The following ABCA12 variants were observed in gnomAD, a reference collection of about 807,000 sequenced individuals.
ABCA12 encodes glucosylceramide transporter ABCA12.
In ABCA12, 156 loss-of-function variants were observed where a neutral mutation model predicts 293.5. The ratio of observed to expected loss-of-function variants is 0.53; its 90% CI spans 0.47 to 0.61. ABCA12 has a LOEUF of 0.61. ABCA12 is among the 20% of genes least tolerant of loss of function. The pLI, the probability that ABCA12 is intolerant of heterozygous loss-of-function variation, is 0.00. For synonymous variants in ABCA12, 1,063 were observed against 1,108.0 expected, an observed-to-expected ratio of 0.96 and a Z score of 0.81; for missense variants, 2,797 against 3,090.2, an observed-to-expected ratio of 0.91 and a Z score of 2.25.
chr2:214,990,410 A>G (rs1699886267), intron 24 of ABCA12, among the ~76,000 whole-genome samples: 1 of 152,214 alleles, frequency 6.6e-6, no homozygotes, highest in Non-Finnish European at 1.5e-5. Flanking sequence ...TGGTCCAGAG[A>G]GAAGTCAGAA....
chr2:215,013,909 G>A (rs373099389), intron 15 of ABCA12, among the ~76,000 whole-genome samples: 5 of 152,174 alleles, frequency 3.3e-5, no homozygotes, highest in Non-Finnish European at 5.9e-5. Flanking sequence ...GGCGAAGCAC[G>A]ATGGCTCACT....
intron 50 of ABCA12, among the ~76,000 whole-genome samples, chr2:214,938,598 C>T (rs1218890507): frequency 6.6e-6 from 1 of 152,150 alleles, no homozygotes; most frequent in Non-Finnish European, 1.5e-5. Context: ...AAAAGTGTTC[C>T]TATTTCTCCA....
chr2:215,045,750 C>G (rs1701188954), intron 7 of ABCA12, 87 bp downstream of exon 7: 2 of 1,220,478 alleles, frequency 1.6e-6, no homozygotes, highest in Admixed American at 3.9e-5. Flanking sequence ...TTAAATAACC[C>G]AGATAACAGT....
intron 1 of ABCA12, among the ~76,000 whole-genome samples, chr2:215,118,611 T>C (rs537378593): frequency 6.6e-6 from 1 of 152,262 alleles, no homozygotes; most frequent in South Asian, 2.1e-4. Flanking sequence ...ACAGTAATCA[T>C]TTATTTAAGA....
chr2:215,132,142 C>T (rs1575064321), intron 1 of ABCA12, among the ~76,000 whole-genome samples: 1 of 152,060 alleles, frequency 6.6e-6, no homozygotes. Flanking sequence ...ATTGAGACTT[C>T]CCTTTTGGAC....
chr2:215,099,691 C>CA (rs66500510), intron 2 of ABCA12, among the ~76,000 whole-genome samples: 1,681 of 117,816 alleles, frequency 0.014, 11 homozygotes, highest in Middle Eastern at 0.034. Flanking sequence ...GACTTCATCT[C>CA]AAAAAAAAAA....
intron 38 of ABCA12, 69 bp from the exon 39 acceptor site, chr2:214,967,022 C>A (rs929213116): frequency 1.7e-6 from 2 of 1,157,822 alleles, no homozygotes; most frequent in African/African-American, 3.1e-5. Context: ...TAACATCTGA[C>A]AGCTATCTTA....
At chr2:215,075,824 C>T in intron 2 of ABCA12, 1 of 452,674 alleles carries the variant, frequency 2.2e-6, no homozygotes. Context: ...ATTTTGTGTG[C>T]TATGGTGTAA....
At chr2:215,078,781 A>G (rs1281751390) in intron 2 of ABCA12, among the ~76,000 whole-genome samples, 1 of 152,224 alleles carries the variant, frequency 6.6e-6, no homozygotes, top group East Asian at 1.9e-4. Flanking sequence ...AACAAATCCT[A>G]GTCACTCTAT....
chr2:215,003,503 G>A (rs918758814), intron 20 of ABCA12, among the ~76,000 whole-genome samples: 1 of 152,020 alleles, frequency 6.6e-6, no homozygotes, highest in African/African-American at 2.4e-5. Context: ...GAGGCCAGTG[G>A]AGATAAAAAT....
At position 214,945,123 on chromosome 2, in the gene ABCA12, C is replaced by CAAAA. The variant is rs534247093; in HGVS notation, c.7240-23_7240-20dup. On this transcript the variant is annotated intron_variant, in intron 48 of 52. Coordinates refer to ENST00000272895, the MANE Select transcript of ABCA12 (RefSeq NM_173076.3). ...GCTCATCCTTAATAGAAAGTTACAACAAAAATTTATCAAATTAATTAATTT... is the reference window on the plus strand; with the variant it reads ...GCTCATCCTTAATAGAAAGTTACAACAAAAAAAAATTTATCAAATTAATTAATTT... The CAAAA allele has an allele frequency of 2.4e-3, 3,762 of 1,591,728 alleles. 4 individuals carry two copies. Among genetic ancestry groups the CAAAA allele is most frequent in the Non-Finnish European group, 2.9e-3 (3,344 of 1,162,312 alleles).
Position 215,064,101 on chromosome 2 carries a change from A to C in ABCA12, c.282T>G (p.Arg94=). The change falls in exon 3 of 53, where the codon CGT becomes CGG. Residue 94 remains arginine (R), a synonymous_variant. Coordinates refer to ENST00000272895, the MANE Select transcript of ABCA12 (RefSeq NM_173076.3). ...DTPYGPQDLL[R]RKGIDDALFK... is the part of the protein sequence containing the mutation. ...ATAGTGCATCATCAATTCCTTTCCT[A>C]CGAAGCAGATCTTGTGGGCCATAGG... The C allele has an allele frequency of 6.2e-7, 1 of 1,612,880 alleles. No homozygotes were observed. Among genetic ancestry groups the C allele is most frequent in the Non-Finnish European group, 8.5e-7 (1 of 1,179,186 alleles).
chr2:214,957,692 G>A (rs1698991705), intron 41 of ABCA12, among the ~76,000 whole-genome samples: 1 of 152,130 alleles, frequency 6.6e-6, no homozygotes, highest in African/African-American at 2.4e-5. Context: ...GCCAACATTG[G>A]TATGTTTGGA....
At chr2:214,996,519 C>T (rs920189743) in intron 23 of ABCA12, among the ~76,000 whole-genome samples, 2 of 152,118 alleles carry the variant, frequency 1.3e-5, no homozygotes, top group African/African-American at 4.8e-5. Context: ...GGCTTGCAAT[C>T]ATAATTACGG....
At position 215,018,092 on chromosome 2, in the gene ABCA12, T is replaced by C. The variant is rs750074929; in HGVS notation, c.1698A>G (p.Lys566=). 1 of 1,614,004 alleles carries C rather than the reference T, an allele frequency of 6.2e-7. No individual in the cohort carries two copies. The highest frequency in any genetic ancestry group is 8.5e-7 in the Non-Finnish European group (1 of 1,179,978). Residue 566 remains lysine (K), a synonymous_variant, in exon 14 of 53, where the codon AAA becomes AAG. Coordinates refer to ENST00000272895, the MANE Select transcript of ABCA12 (RefSeq NM_173076.3). ...TTCCTGTTGTTCTCCTTAAATCTTC[T>C]TTCAGCTCTTCAACATTTTTAAACA... ...LEMFKNVEEL[K]EDLRRTTGMS...
intron 39 of ABCA12, among the ~76,000 whole-genome samples, chr2:214,964,496 G>T (rs550855330): frequency 3.2e-4 from 49 of 152,188 alleles, no homozygotes; most frequent in African/African-American, 1.1e-3. Flanking sequence ...CAGCCCAAAA[G>T]CTTCTTAAGC....
At position 215,001,645 on chromosome 2, in the gene ABCA12, A is replaced by G. The variant is rs755417845; in HGVS notation, c.2776T>C (p.Leu926=). 30 of 1,613,700 alleles carry G rather than the reference A, an allele frequency of 1.9e-5. No individual in the cohort carries two copies. The Admixed American group carries it at 4.0e-4, about 22-fold the overall frequency. ...SLTVNISSCV[L]YDRIQAAKTI... ...TTTGCTGCCTGAATACGGTCATATA[A>G]TACACAAGAGGAAATATTTACTGTC... The change falls in exon 21 of 53, where the codon TTA becomes CTA. Residue 926 remains leucine (L), a synonymous_variant. Transcript: ENST00000272895.
At chr2:215,038,316 A>G (rs1470730659) in intron 7 of ABCA12, among the ~76,000 whole-genome samples, 1 of 152,160 alleles carries the variant, frequency 6.6e-6, no homozygotes, top group African/African-American at 2.4e-5. Context: ...AAGTTAAGTA[A>G]CTAAATAACA....
At chr2:215,051,470 T>C (rs1395913209) in intron 5 of ABCA12, among the ~76,000 whole-genome samples, 1 of 152,138 alleles carries the variant, frequency 6.6e-6, no homozygotes, top group South Asian at 2.1e-4. Flanking sequence ...AGAGTATTAA[T>C]TTAAGTATAA....
Sources: gnomAD v4.1 joint callset for allele counts (sites outside exome capture counted in the v4.1 genomes callset) on GRCh38, gnomAD v4.1.1 for gene constraint, MANE v1.5 for transcripts, NCBI Gene and HGNC (gene_info 2026-07-23, HGNC 2026-07-21) for gene names.